Variants in SPTA1 observed in about 807,000 individuals in gnomAD.
SPTA1 encodes spectrin alpha, erythrocytic 1.
A neutral mutation model predicts 324.7 loss-of-function variants in SPTA1; 177 were observed. The ratio of observed to expected loss-of-function variants is 0.55; its 90% CI spans 0.48 to 0.62. The LOEUF is 0.62. SPTA1 is among the 20% of genes least tolerant of loss of function. The probability of loss-of-function intolerance (pLI) is 0.00; values close to 1 mark genes in which losing one functional copy is unlikely to be tolerated. For synonymous variants in SPTA1, 1,195 were observed against 1,041.3 expected, an observed-to-expected ratio of 1.15 and a Z score of -2.84; for missense variants, 3,162 against 2,883.6, an observed-to-expected ratio of 1.10 and a Z score of -2.21.
chr1:158,644,596 C>T lies in SPTA1; in HGVS notation c.4195-200G>A, dbSNP rs1489121356. On this transcript the variant is annotated intron_variant, in intron 29 of 51. Transcript: ENST00000643759. The stretch of plus-strand genomic sequence containing the variant: ...CATACACTTTATGTTTCTGTATATG[C>T]TACCTCCAATTCCTGGGGTGCTATT... Among the ~76,000 whole-genome samples the T allele has an allele frequency of 3.3e-5, 5 of 152,168 alleles. No homozygotes were observed. The East Asian group carries it at 9.6e-4, about 29-fold the overall frequency.
At chr1:158,646,198 G>A (rs17635940) in intron 27 of SPTA1, among the ~76,000 whole-genome samples, 2 of 151,936 alleles carry the variant, frequency 1.3e-5, no homozygotes, top group Non-Finnish European at 2.9e-5. Context: ...GAAGTTAGAC[G>A]AGCAAAACTA....
At chr1:158,646,357 G>A (rs1651998118) in intron 27 of SPTA1, among the ~76,000 whole-genome samples, 1 of 152,096 alleles carries the variant, frequency 6.6e-6, no homozygotes, top group Admixed American at 6.6e-5. Flanking sequence ...CTCTTCTTTT[G>A]TAAATTTATT....
intron 47 of SPTA1, among the ~76,000 whole-genome samples, chr1:158,616,800 T>C (rs1022057616): frequency 7.9e-5 from 12 of 152,204 alleles, no homozygotes; most frequent in Non-Finnish European, 1.5e-4. Context: ...CTGAATCATA[T>C]GGTCTTTATC....
intron 3 of SPTA1, among the ~76,000 whole-genome samples, chr1:158,682,630 T>A (rs1409238138): frequency 3.9e-5 from 6 of 152,170 alleles, no homozygotes; most frequent in Admixed American, 3.9e-4. Context: ...AGTTTTAAGA[T>A]ATATAATGCA....
rs376792844 is a variant in SPTA1 at position 158,612,805 on chromosome 1, C to A, written c.7134+12G>T. The stretch of plus-strand genomic sequence containing the variant: ...GATGACAGTGTAGTAGGGGAAGCAA[C>A]CAGAATCGGACCTGCTTCATGTCTT... On this transcript the variant is annotated intron_variant, in intron 51 of 51. Transcript: ENST00000643759. 5 of 1,613,526 alleles carry A rather than the reference C, an allele frequency of 3.1e-6. No homozygotes were observed. In the African/African-American group the frequency reaches 6.7e-5, roughly 22 times the overall value.
intron 8 of SPTA1, among the ~76,000 whole-genome samples, chr1:158,675,268 C>T (rs1017300958): frequency 1.3e-5 from 2 of 152,120 alleles, no homozygotes; most frequent in African/African-American, 2.4e-5. Flanking sequence ...TTTTTGTAAG[C>T]TTGTAATCCA....
rs1017727221 is a variant in SPTA1, at chr1:158,680,635, G to A, written c.626C>T (p.Ala209Val). 2 of 1,613,752 alleles carry A rather than the reference G, an allele frequency of 1.2e-6. No homozygotes were observed. The highest frequency in any genetic ancestry group is 1.3e-5 in the African/African-American group (1 of 74,894). Residue 209 changes from alanine (A) to valine (V), a missense_variant, in exon 5 of 52, where the codon GCT becomes GTT. Physicochemically the swap from Ala to Val is moderately conservative, Grantham distance 64 (BLOSUM62 0). Coordinates refer to ENST00000643759, the MANE Select transcript of SPTA1 (RefSeq NM_003126.4). ...CACTTCAACAACTCTCCCTTCTTTA[G>A]CTACCAGCTCCACTTGGAAGTCTTC... ...KFEDFQVELVAKEGRVVEVNQ... is the reference protein window; with the variant it reads ...KFEDFQVELVVKEGRVVEVNQ...
intron 47 of SPTA1, among the ~76,000 whole-genome samples, chr1:158,616,546 C>T (rs1051805406): frequency 1.3e-5 from 2 of 150,974 alleles, no homozygotes; most frequent in Admixed American, 1.3e-4. Context: ...AATATAATGA[C>T]ATTCAGTTCC....
At chr1:158,657,347 G>A (rs1001286508) in intron 19 of SPTA1, 130 bp downstream of exon 19, 6 of 925,558 alleles carry the variant, frequency 6.5e-6, no homozygotes, top group Middle Eastern at 3.2e-4. Context: ...GAAGGCCAAC[G>A]GCGACCACTC....
chr1:158,633,553 C>A (rs532850427), intron 39 of SPTA1, among the ~76,000 whole-genome samples: 1 of 148,076 alleles, frequency 6.8e-6, no homozygotes, highest in Non-Finnish European at 1.5e-5. Flanking sequence ...CCCAGCTACT[C>A]GGGAGGCTGA....
chr1:158,613,867 T>G lies in SPTA1; in HGVS notation c.6843A>C (p.Lys2281Asn), dbSNP rs766466394. 6.8e-6 allele frequency: 11 copies of G among 1,613,438 alleles called. No individual in the cohort carries two copies. Among genetic ancestry groups the G allele is most frequent in the Non-Finnish European group, 3.4e-6 (4 of 1,179,836 alleles). ...GCCCTGTCAAATTCTCATCAAAGTG[T>G]CTAAAGGATAAAAAAAGAAAAAAAA... is the stretch of plus-strand genomic sequence containing the variant. ...ETLKEFSTIY[K>N]HFDENLTGRL... Residue 2281 changes from lysine to asparagine, a missense_variant and splice_region_variant, in exon 50 of 52, where the codon AAA becomes AAC. Transcript: ENST00000643759.
intron 25 of SPTA1, 93 bp from the exon 26 acceptor site, chr1:158,648,746 C>T: frequency 1.5e-6 from 2 of 1,367,826 alleles, no homozygotes; most frequent in Non-Finnish European, 2.0e-6. Context: ...CACTACCACT[C>T]ACCATCCTCC....
At chr1:158,661,251 T>G in intron 18 of SPTA1, 36 bp downstream of exon 18, 1 of 1,613,660 alleles carries the variant, frequency 6.2e-7, no homozygotes, top group Non-Finnish European at 8.5e-7. Flanking sequence ...TCTGGCCTGG[T>G]GATGTTTTGT....
chr1:158,639,848 T>C (rs779561047), intron 34 of SPTA1, 22 bp downstream of exon 34: 10 of 1,613,952 alleles, frequency 6.2e-6, no homozygotes, highest in Non-Finnish European at 8.5e-6. Context: ...CTTGTGTCTC[T>C]ACTGTTTCCG....
At chr1:158,660,242 A>G (rs534423160) in intron 18 of SPTA1, among the ~76,000 whole-genome samples, 146 of 152,324 alleles carry the variant, frequency 9.6e-4, no homozygotes, top group African/African-American at 3.4e-3. Context: ...TACCAGATTG[A>G]ATAGAATAAA....
chr1:158,624,876 G>A (rs2101774148), intron 42 of SPTA1, among the ~76,000 whole-genome samples: 1 of 152,290 alleles, frequency 6.6e-6, no homozygotes, highest in East Asian at 1.9e-4. Flanking sequence ...GAGCAGCCCT[G>A]GTTAAAGGGC....
chr1:158,659,801 G>A (rs1181636158), intron 18 of SPTA1, among the ~76,000 whole-genome samples: 1 of 101,648 alleles, frequency 9.8e-6, no homozygotes, highest in Admixed American at 9.6e-5. Flanking sequence ...TAGTAGAGAC[G>A]GGGTTTCACC....
rs760876132 is a variant in SPTA1, at chr1:158,686,567, G to GAGAGAGAC, written c.-51_-50insGTCTCTCT. On this transcript the variant is annotated 5_prime_UTR_variant, in exon 1 of 52. The change abolishes the stop of an existing upstream ORF in the 5' untranslated region. Coordinates refer to ENST00000643759, the MANE Select transcript of SPTA1 (RefSeq NM_003126.4). ...CAAGATAAAATGTGTCAGAGAGAGA[G>GAGAGAGAC]AGAGAGAGAAATAATTCAAATGGAA... is the stretch of plus-strand genomic sequence containing the variant. 8 of 1,438,152 alleles carry GAGAGAGAC rather than the reference G, an allele frequency of 5.6e-6. No homozygotes were observed. In the African/African-American group the frequency reaches 1.1e-4, roughly 20 times the overall value. 89.1% of individuals were successfully genotyped at this position (1,438,152 alleles called of 1,614,324 possible). A position where few individuals can be genotyped will look rare whatever the true frequency, so the allele number is the denominator to read the frequency against.
At position 158,676,187 on chromosome 1, in the gene SPTA1, G is replaced by A. The variant is rs779418877; in HGVS notation, c.1066C>T (p.Arg356Cys). Residue 356 changes from arginine to cysteine, a missense_variant, in exon 8 of 52, where the codon CGT becomes TGT. Arg to Cys is a radical substitution (Grantham distance 180, BLOSUM62 -3). Transcript: ENST00000643759. Reference protein sequence around the residue: ...EDLVSSWEHIRALATSRYEKL... With the variant: ...EDLVSSWEHICALATSRYEKL... ...TCATATCTGCTGGTGGCCAGGGCAC[G>A]AATATGCTCCCAGCTGGAGACCAGA... The A allele has an allele frequency of 1.4e-5, 23 of 1,613,572 alleles. No homozygotes were observed. Among genetic ancestry groups the A allele is most frequent in the East Asian group, 4.5e-5 (2 of 44,878 alleles).
Sources: allele counts gnomAD v4.1 joint callset (sites outside exome capture counted in the v4.1 genomes callset), GRCh38; gene constraint gnomAD v4.1.1; transcripts MANE v1.5; gene names NCBI Gene and HGNC (gene_info 2026-07-23, HGNC 2026-07-21).